Variants in FGF14 observed in about 807,000 individuals in gnomAD.
FGF14 encodes the protein fibroblast growth factor 14, also known as fibroblast growth factor homologous factor 4.
FGF14 carries 5 observed loss-of-function variants against 25.5 expected under a neutral mutation model. The ratio of observed to expected loss-of-function variants is 0.20; its 90% CI spans 0.10 to 0.41. FGF14 has a LOEUF of 0.41. Among genes scored for constraint, FGF14 ranks in the 10% least tolerant of loss-of-function variants. The probability of loss-of-function intolerance (pLI) is 1.00; values close to 1 mark genes in which losing one functional copy is unlikely to be tolerated. For missense variants in FGF14, 222 were observed against 320.1 expected, an observed-to-expected ratio of 0.69 and a Z score of 2.34; for synonymous variants, 138 against 118.3, an observed-to-expected ratio of 1.17 and a Z score of -1.08.
chr13:102,298,704 A>C (rs1258246259), intron 1 of FGF14, among the ~76,000 whole-genome samples: 2 of 152,174 alleles, frequency 1.3e-5, no homozygotes, highest in Non-Finnish European at 2.9e-5. Flanking sequence ...GCTGCTTATA[A>C]GAAGCAGATT....
intron 1 of FGF14, among the ~76,000 whole-genome samples, chr13:102,352,733 A>G (rs1297831894): frequency 6.6e-6 from 1 of 150,422 alleles, no homozygotes; most frequent in Non-Finnish European, 1.5e-5. Flanking sequence ...AATGGCGTGA[A>G]CCCAGGAGGC....
At chr13:101,731,374 C>T (rs1312697580) in intron 3 of FGF14, among the ~76,000 whole-genome samples, 1 of 152,140 alleles carries the variant, frequency 6.6e-6, no homozygotes, top group Non-Finnish European at 1.5e-5. Context: ...CCATCACCCC[C>T]ACCACAACAA....
intron 3 of FGF14, among the ~76,000 whole-genome samples, chr13:101,794,649 A>T (rs1428621241): frequency 2.0e-5 from 3 of 152,098 alleles, no homozygotes; most frequent in Admixed American, 2.0e-4. Flanking sequence ...AAACCACTAC[A>T]ACAACAAAAA....
At chr13:102,228,697 G>A (rs2050939734) in intron 1 of FGF14, among the ~76,000 whole-genome samples, 2 of 152,102 alleles carry the variant, frequency 1.3e-5, no homozygotes, top group African/African-American at 2.4e-5. Flanking sequence ...AGAAAGCAGA[G>A]GCTTAGGGAA....
chr13:102,162,065 A>C (rs2047801927), intron 1 of FGF14, among the ~76,000 whole-genome samples: 2 of 152,184 alleles, frequency 1.3e-5, no homozygotes, highest in Non-Finnish European at 2.9e-5. Context: ...TTGTCAGTTA[A>C]CAAGCTTTTT....
intron 1 of FGF14, among the ~76,000 whole-genome samples, chr13:102,375,826 T>C (rs1486046237): frequency 1.3e-5 from 2 of 152,208 alleles, no homozygotes; most frequent in Non-Finnish European, 2.9e-5. Context: ...ACAACAAATT[T>C]AAAACTGCAC....
intron 3 of FGF14, among the ~76,000 whole-genome samples, chr13:101,863,431 C>G (rs937890754): frequency 2.0e-5 from 3 of 152,154 alleles, no homozygotes; most frequent in African/African-American, 7.2e-5. Flanking sequence ...TAAGCACATG[C>G]ACTGCCTGGT....
chr13:102,312,019 G>C (rs2055793859), intron 1 of FGF14, among the ~76,000 whole-genome samples: 1 of 152,154 alleles, frequency 6.6e-6, no homozygotes, highest in Admixed American at 6.5e-5. Flanking sequence ...TGGGAACCAA[G>C]TGACCTGAGT....
intron 3 of FGF14, among the ~76,000 whole-genome samples, chr13:101,847,124 A>T (rs983587686): frequency 6.6e-6 from 1 of 152,012 alleles, no homozygotes; most frequent in East Asian, 1.9e-4. Flanking sequence ...ACAAAAGAAA[A>T]TGACCTCCCT....
At chr13:102,203,514 C>T (rs1034150323) in intron 1 of FGF14, among the ~76,000 whole-genome samples, 1 of 152,098 alleles carries the variant, frequency 6.6e-6, no homozygotes, top group Non-Finnish European at 1.5e-5. Context: ...GCATCTATGA[C>T]CTCTTTGAAA....
chr13:102,214,415 G>A lies in FGF14; in HGVS notation c.208+187056C>T, dbSNP rs376897672. On this transcript the variant is annotated intron_variant, in intron 1 of 4. Transcript: ENST00000376131. ...GAAGCTTAAAAAAATATATACAAATGTATATAGGTTTTCCTTCCTCAGGAT... is the reference window on the plus strand; with the variant it reads ...GAAGCTTAAAAAAATATATACAAATATATATAGGTTTTCCTTCCTCAGGAT... 1.1e-3 allele frequency among the ~76,000 whole-genome samples: 160 copies of A among 152,268 alleles called. 4 individuals are homozygous for A. In the South Asian group the frequency reaches 0.03, roughly 28 times the overall value.
chr13:101,735,015 A>C (rs75858921), intron 3 of FGF14, among the ~76,000 whole-genome samples: 3,963 of 152,306 alleles, frequency 0.026, 76 homozygotes, highest in Non-Finnish European at 0.039. Context: ...AAAGATAAAG[A>C]AAGTAGAGGC....
intron 1 of FGF14, among the ~76,000 whole-genome samples, chr13:102,156,755 GA>G (rs1170472819): frequency 6.6e-6 from 1 of 152,106 alleles, no homozygotes; most frequent in African/African-American, 2.4e-5. Flanking sequence ...TGTATATCTA[GA>G]AAACCCCATT....
chr13:101,919,669 G>A (rs963669066), upstream of FGF14, among the ~76,000 whole-genome samples: 2 of 152,046 alleles, frequency 1.3e-5, no homozygotes, highest in Non-Finnish European at 2.9e-5. Context: ...CCCAGCAGAA[G>A]CAAGTTCGCT....
At chr13:101,888,868 C>A (rs2046126631) in intron 1 of FGF14, among the ~76,000 whole-genome samples, 2 of 152,120 alleles carry the variant, frequency 1.3e-5, no homozygotes, top group Non-Finnish European at 2.9e-5. Flanking sequence ...TGAATTGTGT[C>A]CCCCTAAAAC....
At chr13:102,045,811 T>C (rs540439576) in intron 1 of FGF14, 1 of 152,224 alleles carries the variant, frequency 6.6e-6, no homozygotes, top group Non-Finnish European at 1.5e-5. Context: ...TGCTCTGCCA[T>C]CTATAGGATA....
intron 1 of FGF14, among the ~76,000 whole-genome samples, chr13:101,941,921 T>C (rs149935482): frequency 1.8e-3 from 271 of 152,314 alleles, no homozygotes; most frequent in African/African-American, 6.2e-3. Flanking sequence ...TTGGGTAGCA[T>C]TAAGTACAAA....
At chr13:102,005,029 C>T (rs895165425) in intron 1 of FGF14, among the ~76,000 whole-genome samples, 1 of 152,188 alleles carries the variant, frequency 6.6e-6, no homozygotes, top group Non-Finnish European at 1.5e-5. Context: ...AACTAACACA[C>T]AGGCATTTAT....
chr13:102,190,734 G>T (rs1444737334), intron 1 of FGF14, among the ~76,000 whole-genome samples: 1 of 152,070 alleles, frequency 6.6e-6, no homozygotes, highest in East Asian at 1.9e-4. Context: ...GCAGTGAAAG[G>T]CTTCCAAATA....
Sources: gnomAD v4.1 joint callset for allele counts (sites outside exome capture counted in the v4.1 genomes callset) on GRCh38, gnomAD v4.1.1 for gene constraint, MANE v1.5 for transcripts, NCBI Gene and HGNC (gene_info 2026-07-23, HGNC 2026-07-21) for gene names.